TPTE: variants seen among roughly 807,000 people sequenced by gnomAD.
The protein encoded by TPTE is transmembrane phosphatase with tensin homology, also known as putative tyrosine-protein phosphatase TPTE.
In TPTE, 59 loss-of-function variants were observed where a neutral mutation model predicts 84.1. The ratio of observed to expected loss-of-function variants is 0.70; its 90% CI spans 0.57 to 0.87. TPTE has a LOEUF of 0.87. TPTE is among the 40% of genes least tolerant of loss of function. The pLI is 0.00. For missense variants in TPTE, 382 were observed against 659.6 expected (o/e 0.58, Z 4.61); for synonymous variants, 130 against 223.5 (o/e 0.58, Z 3.73).
In TPTE at chr21:10,541,845, C is replaced by T. The variant is rs573544023; in HGVS notation, c.66-550C>T. 2.0e-5 allele frequency among the ~76,000 whole-genome samples: 3 copies of T among 152,428 alleles called. No homozygotes were observed. The South Asian group carries it at 6.2e-4, about 32-fold the overall frequency. On this transcript the variant is annotated intron_variant, in intron 5 of 23. Transcript: ENST00000618007. Reference sequence around the variant, plus strand: ...ACTTGGGGAACTGTGAAGCCTTCAGCAGAAAGCAACAGAGCTATGAGCCTT... The same window carrying T: ...ACTTGGGGAACTGTGAAGCCTTCAGTAGAAAGCAACAGAGCTATGAGCCTT...
chr21:10,530,961 A>AT (rs1568952005), intron 3 of TPTE, among the ~76,000 whole-genome samples: 1 of 152,306 alleles, frequency 6.6e-6, no homozygotes, highest in Non-Finnish European at 1.5e-5. Flanking sequence ...TTCTTCTGTA[A>AT]TGGTCCATTC....
At chr21:10,545,032 T>A (rs373023804) in intron 7 of TPTE, among the ~76,000 whole-genome samples, 1 of 152,306 alleles carries the variant, frequency 6.6e-6, no homozygotes, top group Admixed American at 6.5e-5. Flanking sequence ...TCAGGGGAAC[T>A]AGATTATAAA....
chr21:10,525,657 A>T (rs1010162777), intron 2 of TPTE, among the ~76,000 whole-genome samples: 1 of 152,310 alleles, frequency 6.6e-6, no homozygotes, highest in African/African-American at 2.4e-5. Context: ...GCTCCTATCT[A>T]CCAAAAAGCA....
intron 7 of TPTE, among the ~76,000 whole-genome samples, chr21:10,548,886 C>G (rs1167034579): frequency 1.3e-5 from 2 of 152,312 alleles, no homozygotes; most frequent in African/African-American, 2.4e-5. Context: ...CAAAGCACAT[C>G]TGGAAGTCAT....
chr21:10,523,867 C>G (rs201649773), intron 1 of TPTE, among the ~76,000 whole-genome samples: 2,338 of 151,362 alleles, frequency 0.015, no homozygotes, highest in East Asian at 0.15. Context: ...CCTGAGGAAT[C>G]GCCACACTGA....
intron 23 of TPTE, among the ~76,000 whole-genome samples, chr21:10,604,238 A>C (rs1450467038): frequency 1.3e-5 from 2 of 152,430 alleles, no homozygotes; most frequent in Non-Finnish European, 2.9e-5. Flanking sequence ...TTGTTCCAAA[A>C]AAACCTTCTG....
chr21:10,575,414 G>A (rs2075130503), intron 14 of TPTE, among the ~76,000 whole-genome samples: 1 of 152,310 alleles, frequency 6.6e-6, no homozygotes. Flanking sequence ...CTGCAGTTTG[G>A]TCAACTCAGC....
intron 3 of TPTE, among the ~76,000 whole-genome samples, chr21:10,535,545 A>T (rs1432360394): frequency 6.6e-6 from 1 of 152,308 alleles, no homozygotes; most frequent in African/African-American, 2.4e-5. Context: ...CATGAAAGGG[A>T]TGCTTCTTCC....
rs564780061 is a variant in TPTE, at chr21:10,588,274, G to A, written c.1028-2188G>A. Among the ~76,000 whole-genome samples the A allele has an allele frequency of 5.1e-4, 78 of 152,266 alleles. No homozygotes were observed. The South Asian group carries it at 9.9e-3, about 19-fold the overall frequency. On this transcript the variant is annotated intron_variant, in intron 17 of 23. Transcript: ENST00000618007. The stretch of plus-strand genomic sequence containing the variant: ...TCTGCATCTATTGAGATGATCATGT[G>A]GTTTCTGTTTAATTCTGCACCACAT...
chr21:10,572,502 A>ATCAAG (rs1483130358), intron 14 of TPTE, among the ~76,000 whole-genome samples: 1 of 152,306 alleles, frequency 6.6e-6, no homozygotes, highest in African/African-American at 2.4e-5. Flanking sequence ...AGAAAAAAGC[A>ATCAAG]TCAAGTCACA....
chr21:10,594,001 C>A (rs2075534188), intron 19 of TPTE, among the ~76,000 whole-genome samples: 1 of 152,310 alleles, frequency 6.6e-6, no homozygotes, highest in Non-Finnish European at 1.5e-5. Context: ...AGACTCTAAG[C>A]TAAAAGTGAT....
intron 18 of TPTE, among the ~76,000 whole-genome samples, chr21:10,591,166 G>A (rs1004857065): frequency 3.9e-5 from 6 of 152,296 alleles, no homozygotes; most frequent in African/African-American, 9.6e-5. Flanking sequence ...TACATGTGGA[G>A]TCTGTGACCT....
intron 9 of TPTE, among the ~76,000 whole-genome samples, chr21:10,560,748 T>A (rs1414691770): frequency 6.6e-6 from 1 of 152,308 alleles, no homozygotes; most frequent in East Asian, 1.9e-4. Context: ...TTTAATTCAG[T>A]TTTACTTTTC....
At chr21:10,560,654 A>G (rs1377173504) in intron 9 of TPTE, among the ~76,000 whole-genome samples, 146 of 152,372 alleles carry the variant, frequency 9.6e-4, no homozygotes, top group Non-Finnish European at 1.7e-3. Flanking sequence ...CAGATTAATG[A>G]GGGTTTATTT....
chr21:10,600,497 A>T (rs1332336406), intron 21 of TPTE, among the ~76,000 whole-genome samples: 5 of 152,408 alleles, frequency 3.3e-5, no homozygotes, highest in Admixed American at 3.3e-4. Flanking sequence ...TTTGGACTAG[A>T]TTCTGTTTTC....
intron 17 of TPTE, among the ~76,000 whole-genome samples, chr21:10,578,917 AAC>A (rs2075218095): frequency 2.4e-5 from 1 of 41,646 alleles, no homozygotes; most frequent in Non-Finnish European, 4.7e-5. Context: ...TCAAAATACA[AAC>A]AGTCTTTAAT....
At chr21:10,570,959 A>C (rs2075030589) in intron 14 of TPTE, among the ~76,000 whole-genome samples, 1 of 152,260 alleles carries the variant, frequency 6.6e-6, no homozygotes, top group African/African-American at 2.4e-5. Flanking sequence ...GCACCCCCCA[A>C]GGCCCAAGGC....
chr21:10,566,417 A>G (rs1194918149), intron 10 of TPTE, among the ~76,000 whole-genome samples: 1 of 152,310 alleles, frequency 6.6e-6, no homozygotes, highest in Non-Finnish European at 1.5e-5. Context: ...GGAAATGTAA[A>G]TTAGTAGAAC....
At chr21:10,566,193 A>G (rs1170841444) in intron 10 of TPTE, among the ~76,000 whole-genome samples, 1 of 152,306 alleles carries the variant, frequency 6.6e-6, no homozygotes, top group East Asian at 1.9e-4. Flanking sequence ...CTTTTAAATG[A>G]TAAGATTTGA....
Sources: gnomAD v4.1 joint callset for allele counts (sites outside exome capture counted in the v4.1 genomes callset) on GRCh38, gnomAD v4.1.1 for gene constraint, MANE v1.5 for transcripts, NCBI Gene and HGNC (gene_info 2026-07-23, HGNC 2026-07-21) for gene names.